EIF3K: variants seen among roughly 807,000 people sequenced by gnomAD.
EIF3K encodes the protein eIF-3 p28.
Under a neutral mutation model 34.2 loss-of-function variants are expected in EIF3K, and 27 were observed. The observed-to-expected ratio is 0.79, with a 90% CI of 0.58 to 1.09. The LOEUF (loss-of-function observed/expected upper bound fraction) is 1.09, where lower values mean the gene tolerates loss of function less well. Ranked by LOEUF, EIF3K falls within the 50% of genes least tolerant of loss-of-function variation. EIF3K has a pLI of 0.00. For missense variants in EIF3K, 232 were observed against 275.4 expected, an observed-to-expected ratio of 0.84 and a Z score of 1.11; for synonymous variants, 105 against 105.7, an observed-to-expected ratio of 0.99 and a Z score of 0.04.
intron 2 of EIF3K, among the ~76,000 whole-genome samples, chr19:38,620,669 G>C (rs915437090): frequency 6.6e-6 from 1 of 152,078 alleles, no homozygotes; most frequent in African/African-American, 2.4e-5. Context: ...TGAGGCAGGC[G>C]GATCACCTGA....
At chr19:38,620,054 T>A (rs1370149670) in intron 1 of EIF3K, among the ~76,000 whole-genome samples, 1 of 152,058 alleles carries the variant, frequency 6.6e-6, no homozygotes, top group Non-Finnish European at 1.5e-5. Context: ...GGAGGCCAGG[T>A]GTACAAGCTG....
rs541001666 is a variant in EIF3K at position 38,631,907 on chromosome 19, C to T, written c.355-523C>T. On this transcript the variant is annotated intron_variant, in intron 4 of 7. Transcript: ENST00000248342. ...CTGTTTAACAAAGCACATCCTGCAC[C>T]GCCCTTAATCCATTTAACCCTGAGT... 244 of 218,506 alleles carry T rather than the reference C, an allele frequency of 1.1e-3. 2 individuals are homozygous for T. The highest frequency in any genetic ancestry group is 3.0e-3 in the Admixed American group (53 of 17,964). 13.5% of individuals were successfully genotyped at this position (218,506 alleles called of 1,614,324 possible). A position where few individuals can be genotyped will look rare whatever the true frequency, so the allele number is the denominator to read the frequency against.
intron 4 of EIF3K, among the ~76,000 whole-genome samples, chr19:38,629,055 C>T (rs763075997): frequency 6.6e-6 from 1 of 152,096 alleles, no homozygotes; most frequent in South Asian, 2.1e-4. Flanking sequence ...GCTGACTGCA[C>T]ACTTTTTTTT....
intron 3 of EIF3K, among the ~76,000 whole-genome samples, chr19:38,625,725 G>T (rs182202342): frequency 1.4e-5 from 2 of 142,016 alleles, no homozygotes; most frequent in Non-Finnish European, 3.1e-5. Context: ...GGCCAGGCTG[G>T]TGTCGAACTC....
chr19:38,634,443 AC>A lies in EIF3K; in HGVS notation c.500-549del, dbSNP rs1000441498. ...GAGAAACCCCATCTCTACTAAAAAT[AC>A]AAAATTAGCCAGGCGTGGTGGCGCA... is the stretch of plus-strand genomic sequence containing the variant. On this transcript the variant is annotated intron_variant, in intron 6 of 7. Coordinates refer to ENST00000248342, the MANE Select transcript of EIF3K (RefSeq NM_013234.4). 2.4e-4 allele frequency among the ~76,000 whole-genome samples: 36 copies of A among 151,642 alleles called. 1 individual carries two copies. Among genetic ancestry groups the A allele is most frequent in the Non-Finnish European group, 4.9e-4 (33 of 67,900 alleles).
At position 38,625,137 on chromosome 19, in the gene EIF3K, G is replaced by GT. The variant is rs202097230; in HGVS notation, c.280-882dup. Among the ~76,000 whole-genome samples, 629 of 150,766 alleles carry GT rather than the reference G, an allele frequency of 4.2e-3. 2 individuals carry two copies. Among genetic ancestry groups the GT allele is most frequent in the African/African-American group, 0.013 (542 of 41,146 alleles). ...CTGACATAGGAATGATTTAAGGTGGGTTTTTTTTTGTTGTTGTTTTATTTT... is the reference window on the plus strand; with the variant it reads ...CTGACATAGGAATGATTTAAGGTGGGTTTTTTTTTTGTTGTTGTTTTATTTT... On this transcript the variant is annotated intron_variant, in intron 3 of 7. Coordinates refer to ENST00000248342, the MANE Select transcript of EIF3K (RefSeq NM_013234.4).
At position 38,632,657 on chromosome 19, in the gene EIF3K, G is replaced by A. The variant is rs759935141; in HGVS notation, c.478G>A (p.Glu160Lys). The stretch of plus-strand genomic sequence containing the variant: ...GCACATTGACCGCTGGCTGCTGGCC[G>A]AGATGCTCGGGGATCTGTCGGGTAA... ...YQHIDRWLLA[E>K]MLGDLSDSQL... The change falls in exon 6 of 8, where the codon GAG becomes AAG. Residue 160 changes from glutamate (E) to lysine (K), a missense_variant. Glu to Lys is a moderately conservative substitution (Grantham distance 56, BLOSUM62 1). Transcript: ENST00000248342. 19 of 1,613,434 alleles carry A rather than the reference G, an allele frequency of 1.2e-5. No individual in the cohort carries two copies. The East Asian group carries it at 1.3e-4, about 11-fold the overall frequency.
intron 2 of EIF3K, 146 bp downstream of exon 2, chr19:38,620,581 CAGGAGG>C (rs1975817663): frequency 1.4e-6 from 1 of 736,068 alleles, no homozygotes; most frequent in African/African-American, 1.8e-5. Context: ...GAAGTTGGGA[CAGGAGG>C]AGGGATGGTT....
intron 4 of EIF3K, among the ~76,000 whole-genome samples, chr19:38,629,293 T>A (rs1383611526): frequency 6.6e-6 from 1 of 151,802 alleles, no homozygotes; most frequent in Non-Finnish European, 1.5e-5. Context: ...TTTGTTTTGT[T>A]TTGTTTTGTT....
chr19:38,635,190 C>T, intron 7 of EIF3K, 72 bp downstream of exon 7: 2 of 1,603,822 alleles, frequency 1.2e-6, no homozygotes, highest in Admixed American at 3.3e-5. Flanking sequence ...AGGCAGGGGC[C>T]CAGAGGACCT....
intron 6 of EIF3K, among the ~76,000 whole-genome samples, chr19:38,633,957 A>G (rs1016946755): frequency 6.7e-6 from 1 of 148,808 alleles, no homozygotes; most frequent in Admixed American, 6.7e-5. Flanking sequence ...GGGCACTTTT[A>G]GTAGAGAAGG....
At chr19:38,629,263 G>T (rs1308467736) in intron 4 of EIF3K, among the ~76,000 whole-genome samples, 3 of 147,532 alleles carry the variant, frequency 2.0e-5, no homozygotes, top group African/African-American at 7.7e-5. Flanking sequence ...GGTTTTTTTT[G>T]TTTGTTTGTT....
chr19:38,634,919 T>C, intron 6 of EIF3K, 74 bp from the exon 7 acceptor site: 4 of 1,600,194 alleles, frequency 2.5e-6, no homozygotes, highest in Non-Finnish European at 3.4e-6. Context: ...GAGCCATGAC[T>C]CTGTTGCCTC....
Position 38,623,955 on chromosome 19 carries a change from T to G in EIF3K, c.159-122T>G, listed in dbSNP as rs1042392530. The G allele has an allele frequency of 8.1e-6, 12 of 1,479,226 alleles. No individual in the cohort carries two copies. The Admixed American group carries it at 2.2e-4, about 28-fold the overall frequency. 91.6% of individuals were successfully genotyped at this position (1,479,226 alleles called of 1,614,324 possible). ...TTACACAGCTGGGAAGCACTGGGACTGGGATTGGAACCCAGGCATGTCCAA... is the reference window on the plus strand; with the variant it reads ...TTACACAGCTGGGAAGCACTGGGACGGGGATTGGAACCCAGGCATGTCCAA... On this transcript the variant is annotated intron_variant, in intron 2 of 7. Coordinates refer to ENST00000248342, the MANE Select transcript of EIF3K (RefSeq NM_013234.4).
intron 4 of EIF3K, among the ~76,000 whole-genome samples, chr19:38,629,700 G>T (rs1976020847): frequency 6.6e-6 from 1 of 152,174 alleles, no homozygotes; most frequent in Non-Finnish European, 1.5e-5. Context: ...CCTAACCTTT[G>T]AGCAGAAATC....
chr19:38,634,159 G>A (rs1204885332), intron 6 of EIF3K, among the ~76,000 whole-genome samples: 1 of 142,968 alleles, frequency 7.0e-6, no homozygotes, highest in African/African-American at 2.6e-5. Flanking sequence ...GAATGCAGTG[G>A]CATAATCTCG....
At chr19:38,635,153 T>A (rs990256861) in intron 7 of EIF3K, 35 bp downstream of exon 7, 13 of 1,613,642 alleles carry the variant, frequency 8.1e-6, no homozygotes, top group Admixed American at 1.7e-5. Context: ...GCTTTGGGGC[T>A]AAGGGGGTGC....
intron 6 of EIF3K, 145 bp from the exon 7 acceptor site, chr19:38,634,848 C>T: frequency 8.3e-7 from 1 of 1,209,954 alleles, no homozygotes; most frequent in Non-Finnish European, 1.1e-6. Context: ...AGCAAGGAGA[C>T]CAGGCCAGCT....
chr19:38,624,047 T>C lies in EIF3K; in HGVS notation c.159-30T>C, dbSNP rs562168582. ...AGGATTGGGGACTTGGAGGTGCCACTGTGGCCACGTCTCTTGTTCTTTTTC... is the reference window on the plus strand; with the variant it reads ...AGGATTGGGGACTTGGAGGTGCCACCGTGGCCACGTCTCTTGTTCTTTTTC... On this transcript the variant is annotated intron_variant, in intron 2 of 7. Transcript: ENST00000248342. 2.4e-5 allele frequency: 38 copies of C among 1,613,784 alleles called. 1 individual carries two copies. In the South Asian group the frequency reaches 4.0e-4, roughly 17 times the overall value.
Sources: gnomAD v4.1 joint callset for allele counts (sites outside exome capture counted in the v4.1 genomes callset) on GRCh38, gnomAD v4.1.1 for gene constraint, MANE v1.5 for transcripts, NCBI Gene and HGNC (gene_info 2026-07-23, HGNC 2026-07-21) for gene names.